Variants in VSIG10L observed in about 807,000 individuals in gnomAD.
VSIG10L encodes V-set and immunoglobulin domain-containing protein 10-like.
VSIG10L carries 63 observed loss-of-function variants against 67.3 expected under a neutral mutation model. That is an observed-to-expected ratio of 0.94 (90% CI 0.76 to 1.15). The LOEUF is 1.15. VSIG10L is among the 50% of genes most tolerant of loss of function. The probability of loss-of-function intolerance (pLI) is 0.00; values close to 1 mark genes in which losing one functional copy is unlikely to be tolerated. For synonymous variants in VSIG10L, 499 were observed against 524.9 expected, an observed-to-expected ratio of 0.95 and a Z score of 0.67; for missense variants, 1,050 against 1,177.5, an observed-to-expected ratio of 0.89 and a Z score of 1.58.
In VSIG10L at chr19:51,332,530, G is replaced by T; in HGVS notation, c.*81C>A. ...CTGCTGGAGTGAAATAGGAAGTTCT[G>T]GCCCAAAACGCCCTGTGCAGGGCAG... On this transcript the variant is annotated 3_prime_UTR_variant, in exon 10 of 10. Transcript: ENST00000335624. 1 of 1,502,290 alleles carries T rather than the reference G, an allele frequency of 6.7e-7. No individual in the cohort carries two copies. The highest frequency in any genetic ancestry group is 9.1e-7 in the Non-Finnish European group (1 of 1,102,244). The allele number at this position is 1,502,290 out of a possible 1,614,324, so 93.1% of individuals were successfully genotyped here. A position where few individuals can be genotyped will look rare whatever the true frequency, so the allele number is the denominator to read the frequency against.
chr19:51,340,017 G>A lies in VSIG10L; in HGVS notation c.1472C>T (p.Ala491Val), dbSNP rs984400955. Reference sequence around the variant, plus strand: ...CTACTCCCGCTCCAGCCTCTCACCCGCCACTGTAAGGTTGAGCAGCGAGCG... The same window carrying A: ...CTACTCCCGCTCCAGCCTCTCACCCACCACTGTAAGGTTGAGCAGCGAGCG... ...RRRSLLNLTV[A>V]DLPPGAPQCS... Residue 491 changes from alanine (A) to valine (V), a missense_variant and splice_region_variant, in exon 4 of 10, where the codon GCG (alanine) becomes GTG (valine). By Grantham distance (64) the Ala-to-Val change is moderately conservative. Coordinates refer to ENST00000335624, the MANE Select transcript of VSIG10L (RefSeq NM_001163922.3). The surrounding 1 kb of genome is among the most constrained non-coding windows in gnomAD (Gnocchi z 6.3). 11 of 1,404,028 alleles carry A rather than the reference G, an allele frequency of 7.8e-6. No individual in the cohort carries two copies. The highest frequency in any genetic ancestry group is 6.0e-5 in the African/African-American group (4 of 66,180). 87.0% of individuals were successfully genotyped at this position (1,404,028 alleles called of 1,614,324 possible).
intron 4 of VSIG10L, 132 bp downstream of exon 4, chr19:51,339,883 T>G: frequency 2.0e-5 from 11 of 539,390 alleles, no homozygotes; most frequent in Non-Finnish European, 2.4e-5. Context: ...TGACCCGCCC[T>G]CCCGCTGGCC....
In VSIG10L at chr19:51,340,393, A is replaced by T; in HGVS notation, c.1189+40T>A. ...CTGGGTCCCCAGCCCGCTTCTCCCC[A>T]AGGACCCCCTGTCCCCGACCCGAGG... is the stretch of plus-strand genomic sequence containing the variant. On this transcript the variant is annotated intron_variant, in intron 3 of 9. Coordinates refer to ENST00000335624, the MANE Select transcript of VSIG10L (RefSeq NM_001163922.3). The surrounding 1 kb of genome is among the most constrained non-coding windows in gnomAD (Gnocchi z 6.3). The T allele has an allele frequency of 1.4e-6, 2 of 1,461,732 alleles. No homozygotes were observed. The highest frequency in any genetic ancestry group is 5.2e-5 in the East Asian group (2 of 38,752). The allele number at this position is 1,461,732 out of a possible 1,614,324, so 90.5% of individuals were successfully genotyped here. A position where few individuals can be genotyped will look rare whatever the true frequency, so the allele number is the denominator to read the frequency against.
Position 51,341,598 on chromosome 19 carries a change from G to T in VSIG10L, c.450C>A (p.Ser150=). ...TPASNISTQV[S]HTKLSVEAPD... is the part of the protein sequence containing the mutation. ...GGGCCTCAACAGACAGTTTGGTATG[G>T]GAGACTTGAGTAGAAATGTTTGAAG... The change falls in exon 2 of 10, where the codon TCC becomes TCA. Residue 150 remains serine, a synonymous_variant. Coordinates refer to ENST00000335624, the MANE Select transcript of VSIG10L (RefSeq NM_001163922.3). 1 of 1,551,730 alleles carries T rather than the reference G, an allele frequency of 6.4e-7. No homozygotes were observed. Among genetic ancestry groups the T allele is most frequent in the African/African-American group, 1.4e-5 (1 of 73,166 alleles).
At position 51,341,457 on chromosome 19, in the gene VSIG10L, G is replaced by GC; in HGVS notation, c.590dup (p.Leu199ThrfsTer60). The GC allele has an allele frequency of 6.5e-7, 1 of 1,542,956 alleles. No homozygotes were observed. The highest frequency in any genetic ancestry group is 1.2e-5 in the South Asian group (1 of 82,940). On this transcript the variant is annotated frameshift_variant, in exon 2 of 10. Transcript: ENST00000335624. LOFTEE classifies it high-confidence loss of function. ...TGGTCCCCACCAGCACAGCGAGTGG[G>GC]CCCCCCACCTGCTGGGGAAAGCTTG...
intron 6 of VSIG10L, 28 bp from the exon 7 acceptor site, chr19:51,337,562 C>A: frequency 2.6e-6 from 3 of 1,159,490 alleles, no homozygotes; most frequent in Non-Finnish European, 3.3e-6. Flanking sequence ...TGGCTGGATT[C>A]TTGGGTGCCA....
At chr19:51,335,195 C>T (rs1985453560) in intron 7 of VSIG10L, among the ~76,000 whole-genome samples, 2 of 152,110 alleles carry the variant, frequency 1.3e-5, no homozygotes, top group Admixed American at 6.6e-5. Flanking sequence ...AAGGAAGGAG[C>T]GGGCTGGAGG....
In VSIG10L at chr19:51,341,834, A is replaced by G. The variant is rs1215983856; in HGVS notation, c.214T>C (p.Ser72Pro). ...CAGCTGGAATCAGAGATTCCAGCAG[A>G]GGCTTTTGAATCCAGGAACTGATCT... ...VPDQFLDSKA[S>P]AGISDSSWFP... The change falls in exon 2 of 10, where the codon TCT becomes CCT. Residue 72 changes from serine (S) to proline (P), a missense_variant. By Grantham distance (74) the Ser-to-Pro change is moderately conservative. Coordinates refer to ENST00000335624, the MANE Select transcript of VSIG10L (RefSeq NM_001163922.3). The G allele has an allele frequency of 5.8e-6, 9 of 1,551,638 alleles. No individual in the cohort carries two copies. Among genetic ancestry groups the G allele is most frequent in the Middle Eastern group, 3.3e-4 (2 of 5,988 alleles).
Position 51,332,572 on chromosome 19 carries a change from A to G in VSIG10L, c.*39T>C. ...GCAGGGCAGACCACTGGCTCTGATCACACCTGTGTGGCTGCGCGAACAGTC... is the reference window on the plus strand; with the variant it reads ...GCAGGGCAGACCACTGGCTCTGATCGCACCTGTGTGGCTGCGCGAACAGTC... On this transcript the variant is annotated 3_prime_UTR_variant, in exon 10 of 10. Coordinates refer to ENST00000335624, the MANE Select transcript of VSIG10L (RefSeq NM_001163922.3). 1.3e-6 allele frequency: 2 copies of G among 1,551,352 alleles called. No individual in the cohort carries two copies. The highest frequency in any genetic ancestry group is 1.7e-6 in the Non-Finnish European group (2 of 1,146,700).
In VSIG10L at chr19:51,341,574, G is replaced by A; in HGVS notation, c.474C>T (p.Ala158=). Residue 158 remains alanine (A), a synonymous_variant, in exon 2 of 10, where the codon GCC becomes GCT. Coordinates refer to ENST00000335624, the MANE Select transcript of VSIG10L (RefSeq NM_001163922.3). ...QVSHTKLSVE[A]PDSKFSPDDM... ...CATCCGGGGAGAATTTTGAATCTGG[G>A]GCCTCAACAGACAGTTTGGTATGGG... 1 of 1,551,712 alleles carries A rather than the reference G, an allele frequency of 6.4e-7. No homozygotes were observed. Among genetic ancestry groups the A allele is most frequent in the Non-Finnish European group, 8.7e-7 (1 of 1,146,996 alleles).
rs952999966 is a variant in VSIG10L at position 51,341,144 on chromosome 19, C to T, written c.895+9G>A. The T allele has an allele frequency of 1.0e-5, 15 of 1,494,034 alleles. No homozygotes were observed. The East Asian group carries it at 3.7e-4, about 37-fold the overall frequency. 92.5% of individuals were successfully genotyped at this position (1,494,034 alleles called of 1,614,324 possible). ...GCCGCCTGCACGCCGGACGCCAGGG[C>T]CCACTTACCATACACACCCACCGTG... is the stretch of plus-strand genomic sequence containing the variant. On this transcript the variant is annotated intron_variant, in intron 2 of 9. Transcript: ENST00000335624.
chr19:51,333,757 G>T (rs542938280), intron 9 of VSIG10L, 34 bp downstream of exon 9: 7 of 1,508,030 alleles, frequency 4.6e-6, no homozygotes, highest in Non-Finnish European at 4.4e-6. Context: ...GTTCCGCCCC[G>T]ATTCCAGGAG....
At position 51,338,119 on chromosome 19, in the gene VSIG10L, G is replaced by A. The variant is rs766202750; in HGVS notation, c.1819C>T (p.Pro607Ser). ...CGGGCCCAGGATGCCCGTGAGGGTG[G>A]GGGACAACCAGAGGCCTCCAGTGCC... ...EVALEASGCP[P>S]PSRASWAREG... Residue 607 changes from proline (P) to serine (S), a missense_variant, in exon 6 of 10, where the codon CCA (proline) becomes TCA (serine). Pro to Ser is a moderately conservative substitution (Grantham distance 74, BLOSUM62 -1). Transcript: ENST00000335624. The A allele has an allele frequency of 7.1e-6, 11 of 1,549,250 alleles. No individual in the cohort carries two copies. In the South Asian group the frequency reaches 1.1e-4, roughly 15 times the overall value.
chr19:51,339,027 A>G lies in VSIG10L; in HGVS notation c.1590T>C (p.Gly530=). 7.2e-7 allele frequency: 1 copy of G among 1,380,258 alleles called. No individual in the cohort carries two copies. The highest frequency in any genetic ancestry group is 3.1e-5 in the East Asian group (1 of 32,690). The allele number at this position is 1,380,258 out of a possible 1,614,324, so 85.5% of individuals were successfully genotyped here. A position where few individuals can be genotyped will look rare whatever the true frequency, so the allele number is the denominator to read the frequency against. The part of the protein sequence containing the change: ...GAPAASLQFQ[G]LPEGIRAGPV... ...GCCCGGCGCGGATGCCTTCGGGGAG[A>G]CCCTGGAACTGCAGGGAGGCAGCAG... The change falls in exon 5 of 10, where the codon GGT becomes GGC. Residue 530 remains glycine (G), a synonymous_variant. Transcript: ENST00000335624.
chr19:51,339,313 G>A (rs1231116306), intron 4 of VSIG10L, among the ~76,000 whole-genome samples, 171 bp from the exon 5 acceptor site: 1 of 152,102 alleles, frequency 6.6e-6, no homozygotes, highest in Non-Finnish European at 1.5e-5. Flanking sequence ...TCCTCGCTAA[G>A]TGGGTAGCCC....
At position 51,331,765 on chromosome 19, in the gene VSIG10L, G is replaced by A. The variant is rs781487749; in HGVS notation, c.*846C>T. 3.3e-5 allele frequency: 5 copies of A among 152,140 alleles called. No individual in the cohort carries two copies. The highest frequency in any genetic ancestry group is 3.3e-4 in the Admixed American group (5 of 15,258). The allele number at this position is 152,140 out of a possible 1,614,324, so 9.4% of individuals were successfully genotyped here. A position where few individuals can be genotyped will look rare whatever the true frequency, so the allele number is the denominator to read the frequency against. On this transcript the variant is annotated 3_prime_UTR_variant, in exon 10 of 10. Transcript: ENST00000335624. ...GGGTTAAGTGCTGAGTTAATGATGT[G>A]GTCTCTGCTTTTGTAAAGCCCTTAG...
At chr19:51,338,791 A>G in intron 5 of VSIG10L, 97 bp downstream of exon 5, 1 of 1,265,982 alleles carries the variant, frequency 7.9e-7, no homozygotes, top group Admixed American at 4.0e-5. Flanking sequence ...TTCTTGGACT[A>G]AGGACGTACC....
At position 51,340,472 on chromosome 19, in the gene VSIG10L, A is replaced by T; in HGVS notation, c.1150T>A (p.Phe384Ile). 2.7e-6 allele frequency: 4 copies of T among 1,508,568 alleles called. No homozygotes were observed. Among genetic ancestry groups the T allele is most frequent in the Non-Finnish European group, 3.5e-6 (4 of 1,128,512 alleles). The allele number at this position is 1,508,568 out of a possible 1,614,324, so 93.4% of individuals were successfully genotyped here. ...ARYTCRVRSPFGHREAAADVS... is the reference protein window; with the variant it reads ...ARYTCRVRSPIGHREAAADVS... ...TCGGCGGCAGCCTCCCTGTGGCCGAAGGGGCTGCGGACGCGGCAAGTGTAC... is the reference window on the plus strand; with the variant it reads ...TCGGCGGCAGCCTCCCTGTGGCCGATGGGGCTGCGGACGCGGCAAGTGTAC... Residue 384 changes from phenylalanine to isoleucine, a missense_variant, in exon 3 of 10, where the codon TTC (phenylalanine) becomes ATC (isoleucine). Coordinates refer to ENST00000335624, the MANE Select transcript of VSIG10L (RefSeq NM_001163922.3). The surrounding 1 kb of genome is among the most constrained non-coding windows in gnomAD (Gnocchi z 6.3).
At position 51,338,035 on chromosome 19, in the gene VSIG10L, G is replaced by C. The variant is rs865996246; in HGVS notation, c.1903C>G (p.Arg635Gly). Residue 635 changes from arginine to glycine, a missense_variant, in exon 6 of 10, where the codon CGG becomes GGG. Coordinates refer to ENST00000335624, the MANE Select transcript of VSIG10L (RefSeq NM_001163922.3). Reference sequence around the variant, plus strand: ...CTGAAGTTGCCGATGTGGAGTTTCCGCCCATCTTGACTGAGCCGCAGGCGA... The same window carrying C: ...CTGAAGTTGCCGATGTGGAGTTTCCCCCCATCTTGACTGAGCCGCAGGCGA... ...GSRLRLSQDG[R>G]KLHIGNFSLD... 1 of 1,551,646 alleles carries C rather than the reference G, an allele frequency of 6.4e-7. No individual in the cohort carries two copies. Among genetic ancestry groups the C allele is most frequent in the Non-Finnish European group, 8.7e-7 (1 of 1,146,970 alleles).
Sources: allele counts gnomAD v4.1 joint callset (sites outside exome capture counted in the v4.1 genomes callset), GRCh38; gene constraint gnomAD v4.1.1; non-coding constraint Gnocchi (gnomAD v3.1); transcripts MANE v1.5; gene names NCBI Gene and HGNC (gene_info 2026-07-23, HGNC 2026-07-21).